The following SGCZ variants were observed in gnomAD, a reference collection of about 807,000 sequenced individuals.
SGCZ encodes sarcoglycan zeta.
A neutral mutation model predicts 41.3 loss-of-function variants in SGCZ; 40 were observed. The ratio of observed to expected loss-of-function variants is 0.97; its 90% CI spans 0.75 to 1.26. The LOEUF (loss-of-function observed/expected upper bound fraction) is 1.26, where lower values mean the gene tolerates loss of function less well. SGCZ is among the 50% of genes most tolerant of loss of function. The pLI, the probability that SGCZ is intolerant of heterozygous loss-of-function variation, is 0.00. For synonymous variants in SGCZ, 206 were observed against 137.5 expected (o/e 1.50, Z -3.49); for missense variants, 552 against 369.8 (o/e 1.49, Z -4.04).
intron 2 of SGCZ, among the ~76,000 whole-genome samples, chr8:14,508,311 A>G (rs1289352346): frequency 6.6e-6 from 1 of 152,182 alleles, no homozygotes; most frequent in East Asian, 1.9e-4. Flanking sequence ...ACCCCAAAAT[A>G]CATTTGTTGA....
intron 1 of SGCZ, among the ~76,000 whole-genome samples, chr8:14,934,311 A>T (rs530633872): frequency 1.2e-4 from 18 of 152,126 alleles, no homozygotes; most frequent in African/African-American, 3.9e-4. Context: ...TATAAAATAT[A>T]TGTGTCTGTA....
At chr8:14,344,859 G>A (rs953575038) in intron 2 of SGCZ, among the ~76,000 whole-genome samples, 2 of 151,830 alleles carry the variant, frequency 1.3e-5, no homozygotes, top group African/African-American at 2.4e-5. Context: ...ATAATCTCAA[G>A]TTTAGGAGAG....
chr8:15,086,551 G>C (rs1265122866), intron 1 of SGCZ, among the ~76,000 whole-genome samples: 2 of 151,996 alleles, frequency 1.3e-5, no homozygotes, highest in African/African-American at 2.4e-5. Flanking sequence ...TGAAGTGATA[G>C]ATCAGCTAAT....
chr8:14,220,936 T>C (rs184338054), intron 4 of SGCZ, among the ~76,000 whole-genome samples: 43 of 152,330 alleles, frequency 2.8e-4, no homozygotes, highest in Admixed American at 2.7e-3. Context: ...CATGTTGTCA[T>C]TGTTAAGATA....
chr8:15,154,022 G>A (rs1303381077), intron 1 of SGCZ, among the ~76,000 whole-genome samples: 1 of 152,006 alleles, frequency 6.6e-6, no homozygotes, highest in Non-Finnish European at 1.5e-5. Flanking sequence ...GATAGAGTTT[G>A]TGCTTCTATG....
intron 5 of SGCZ, among the ~76,000 whole-genome samples, chr8:14,139,198 G>T (rs1394041562): frequency 6.6e-6 from 1 of 152,150 alleles, no homozygotes; most frequent in East Asian, 1.9e-4. Context: ...AAAGCAGTGT[G>T]TAGAGGGAAA....
chr8:14,695,800 G>A (rs1215986935), intron 1 of SGCZ, among the ~76,000 whole-genome samples: 1 of 151,976 alleles, frequency 6.6e-6, no homozygotes, highest in African/African-American at 2.4e-5. Context: ...TAGCAAAAGT[G>A]ATGAGGAGGG....
rs1413525862 is a variant in SGCZ, at chr8:14,087,444, T to C, written c.*2999A>G. 1.3e-5 allele frequency among the ~76,000 whole-genome samples: 2 copies of C among 151,696 alleles called. No homozygotes were observed. The highest frequency in any genetic ancestry group is 3.0e-5 in the Non-Finnish European group (2 of 67,738). The stretch of plus-strand genomic sequence containing the variant: ...ATCCATTCCTGGCAAATAACTTAAA[T>C]GCTAGCAAAACTACCAACCTCTTTT... On this transcript the variant is annotated 3_prime_UTR_variant, in exon 8 of 8. Coordinates refer to ENST00000382080, the MANE Select transcript of SGCZ (RefSeq NM_139167.4).
chr8:14,440,734 T>TATATGTATATAC (rs1800230980), intron 2 of SGCZ, among the ~76,000 whole-genome samples: 1 of 75,244 alleles, frequency 1.3e-5, no homozygotes, highest in Non-Finnish European at 3.3e-5. Context: ...CGTATATGTA[T>TATATGTATATAC]ATATGTATAT....
chr8:14,333,059 A>T (rs1356838975), intron 2 of SGCZ, among the ~76,000 whole-genome samples: 1 of 151,986 alleles, frequency 6.6e-6, no homozygotes, highest in Non-Finnish European at 1.5e-5. Flanking sequence ...AAAAAAATAT[A>T]TTTTTCTACA....
chr8:14,293,459 A>T (rs1800908535), intron 3 of SGCZ, among the ~76,000 whole-genome samples: 1 of 152,030 alleles, frequency 6.6e-6, no homozygotes, highest in Admixed American at 6.6e-5. Context: ...ACACCCAGTG[A>T]TTTCCCATTA....
At chr8:14,531,665 A>G (rs921128623) in intron 2 of SGCZ, among the ~76,000 whole-genome samples, 25 of 152,092 alleles carry the variant, frequency 1.6e-4, no homozygotes, top group Admixed American at 1.3e-4. Flanking sequence ...AACTTGATAT[A>G]TGTCACTTAA....
chr8:14,245,816 C>T (rs1044442733), intron 3 of SGCZ, among the ~76,000 whole-genome samples: 2 of 152,150 alleles, frequency 1.3e-5, no homozygotes, highest in Non-Finnish European at 2.9e-5. Context: ...CAAAAGAAGA[C>T]ATTTATGCAG....
chr8:15,102,788 A>G (rs1469713057), intron 1 of SGCZ, among the ~76,000 whole-genome samples: 3 of 152,188 alleles, frequency 2.0e-5, no homozygotes, highest in Non-Finnish European at 4.4e-5. Flanking sequence ...AACATTATTT[A>G]TATAGAATCT....
chr8:14,783,344 G>C (rs2130441472), intron 1 of SGCZ, among the ~76,000 whole-genome samples: 1 of 151,656 alleles, frequency 6.6e-6, no homozygotes, highest in Non-Finnish European at 1.5e-5. Context: ...TGAGGAAGCA[G>C]AATCACTTGA....
intron 1 of SGCZ, among the ~76,000 whole-genome samples, chr8:14,984,602 G>A (rs1203474045): frequency 6.6e-6 from 1 of 151,750 alleles, no homozygotes; most frequent in African/African-American, 2.4e-5. Context: ...AGGTTTTTCT[G>A]ACCATTGTAT....
chr8:14,212,772 A>G (rs1402359891), intron 4 of SGCZ, among the ~76,000 whole-genome samples: 1 of 152,180 alleles, frequency 6.6e-6, no homozygotes, highest in Non-Finnish European at 1.5e-5. Context: ...GAAGGACAAG[A>G]ATTTTTAAAA....
chr8:15,178,349 G>A (rs140602783), intron 1 of SGCZ, among the ~76,000 whole-genome samples: 94 of 151,994 alleles, frequency 6.2e-4, no homozygotes, highest in African/African-American at 2.1e-3. Context: ...ACATTGTAGC[G>A]CAGAGATCTG....
chr8:14,293,945 G>T (rs1001294896), intron 3 of SGCZ, among the ~76,000 whole-genome samples: 1 of 151,552 alleles, frequency 6.6e-6, no homozygotes, highest in Non-Finnish European at 1.5e-5. Context: ...ATCAAGTCAA[G>T]ACATACATAT....
Sources: allele counts gnomAD v4.1 joint callset (sites outside exome capture counted in the v4.1 genomes callset), GRCh38; gene constraint gnomAD v4.1.1; transcripts MANE v1.5; gene names NCBI Gene and HGNC (gene_info 2026-07-23, HGNC 2026-07-21).